The following CNTNAP2 variants were observed in gnomAD, a reference collection of about 807,000 sequenced individuals.
CNTNAP2 encodes contactin-associated protein-like 2.
In CNTNAP2, 98 loss-of-function variants were observed where a neutral mutation model predicts 155.2. That is an observed-to-expected ratio of 0.63 (90% CI 0.54 to 0.75). CNTNAP2 has a LOEUF of 0.75. Ranked by LOEUF, CNTNAP2 falls within the 30% of genes least tolerant of loss-of-function variation. CNTNAP2 has a pLI of 0.00. For synonymous variants in CNTNAP2, 651 were observed against 631.2 expected (o/e 1.03, Z -0.47); for missense variants, 1,727 against 1,688.1 (o/e 1.02, Z -0.40).
intron 15 of CNTNAP2, among the ~76,000 whole-genome samples, chr7:148,099,868 GTTTTTTTTTT>G (rs751537152): frequency 1.1e-5 from 1 of 88,812 alleles, no homozygotes; most frequent in East Asian, 4.0e-4. Flanking sequence ...TTTTTTTTTG[GTTTTTTTTTT>G]TTTTTTTTTT....
rs71175651 is a variant in CNTNAP2, at chr7:146,486,046, C to CT, written c.98-288189dup. ...AAAAATGTACCCAACCCACAGCAGT[C>CT]TTTTTTTTTTTTTTTTTTTTTTTTT... On this transcript the variant is annotated intron_variant, in intron 1 of 23. Coordinates refer to ENST00000361727, the MANE Select transcript of CNTNAP2 (RefSeq NM_014141.6). 1.5e-3 allele frequency among the ~76,000 whole-genome samples: 63 copies of CT among 42,604 alleles called. 20 individuals carry two copies. The highest frequency in any genetic ancestry group is 3.8e-3 in the African/African-American group (45 of 11,898). The allele number at this position is 42,604 out of a possible 152,430, so 27.9% of individuals were successfully genotyped here. A position where few individuals can be genotyped will look rare whatever the true frequency, so the allele number is the denominator to read the frequency against.
intron 14 of CNTNAP2, among the ~76,000 whole-genome samples, chr7:147,952,071 A>G (rs368083122): frequency 8.5e-5 from 13 of 152,074 alleles, no homozygotes; most frequent in East Asian, 1.9e-4. Flanking sequence ...ACTGAATGTT[A>G]ATGCCAAAAT....
chr7:146,591,148 T>C (rs1798776742), intron 1 of CNTNAP2, among the ~76,000 whole-genome samples: 1 of 152,168 alleles, frequency 6.6e-6, no homozygotes, highest in Admixed American at 6.5e-5. Context: ...TTACATAAAA[T>C]TACCTTCAGG....
intron 1 of CNTNAP2, among the ~76,000 whole-genome samples, chr7:146,743,363 T>C (rs1298315654): frequency 6.6e-6 from 1 of 152,192 alleles, no homozygotes; most frequent in Non-Finnish European, 1.5e-5. Context: ...GATGCCTTTT[T>C]TCCTGAGGTT....
intron 10 of CNTNAP2, among the ~76,000 whole-genome samples, chr7:147,406,099 G>C (rs759312257): frequency 8.5e-5 from 13 of 152,054 alleles, no homozygotes; most frequent in Non-Finnish European, 1.6e-4. Context: ...TTGAAGACTT[G>C]TATCATTCCC....
At chr7:146,220,366 T>C (rs2116896267) in intron 1 of CNTNAP2, among the ~76,000 whole-genome samples, 1 of 152,282 alleles carries the variant, frequency 6.6e-6, no homozygotes, top group East Asian at 1.9e-4. Flanking sequence ...ATCTTAAAAT[T>C]GTCTGTATTT....
At chr7:147,546,031 C>T (rs904986663) in intron 11 of CNTNAP2, among the ~76,000 whole-genome samples, 5 of 152,194 alleles carry the variant, frequency 3.3e-5, no homozygotes, top group Admixed American at 3.3e-4. Flanking sequence ...CCTCCCCAGC[C>T]ATGTGGAACA....
chr7:146,866,632 G>A (rs555302111), intron 3 of CNTNAP2, among the ~76,000 whole-genome samples: 2 of 152,144 alleles, frequency 1.3e-5, no homozygotes, highest in South Asian at 4.2e-4. Context: ...ACGGCAAGTG[G>A]GAGCTGAAAT....
intron 1 of CNTNAP2, among the ~76,000 whole-genome samples, chr7:146,207,729 T>G (rs1345879986): frequency 7.0e-6 from 1 of 143,000 alleles, no homozygotes; most frequent in Non-Finnish European, 1.5e-5. Flanking sequence ...AACGAAAGAG[T>G]GGAGGATGGA....
chr7:147,669,608 T>A (rs1795753582), intron 13 of CNTNAP2, among the ~76,000 whole-genome samples: 1 of 152,192 alleles, frequency 6.6e-6, no homozygotes, highest in African/African-American at 2.4e-5. Context: ...TAGTCGTTAC[T>A]GGTAGTGAAA....
chr7:146,138,677 T>C (rs1395478354), intron 1 of CNTNAP2, among the ~76,000 whole-genome samples: 1 of 152,136 alleles, frequency 6.6e-6, no homozygotes, highest in East Asian at 1.9e-4. Flanking sequence ...TTTGTGTGTG[T>C]ACATATGTGT....
At chr7:146,408,025 G>T (rs1795817150) in intron 1 of CNTNAP2, among the ~76,000 whole-genome samples, 1 of 152,078 alleles carries the variant, frequency 6.6e-6, no homozygotes, top group Non-Finnish European at 1.5e-5. Context: ...CAAGGCTTCT[G>T]ACCAACAGTA....
chr7:148,266,962 C>T, intron 20 of CNTNAP2, 71 bp from the exon 21 acceptor site: 3 of 1,386,888 alleles, frequency 2.2e-6, no homozygotes, highest in Non-Finnish European at 3.1e-6. Flanking sequence ...ATGTCATCCC[C>T]ACAGGGAAGA....
At chr7:146,345,320 G>A (rs1794802370) in intron 1 of CNTNAP2, among the ~76,000 whole-genome samples, 1 of 152,178 alleles carries the variant, frequency 6.6e-6, no homozygotes, top group Admixed American at 6.5e-5. Flanking sequence ...GAGTCGAGGT[G>A]AAAGGAAGAA....
At chr7:147,166,584 CCAAA>C (rs1297163147) in intron 8 of CNTNAP2, among the ~76,000 whole-genome samples, 1 of 152,154 alleles carries the variant, frequency 6.6e-6, no homozygotes, top group African/African-American at 2.4e-5. Flanking sequence ...GAAGAGACCA[CCAAA>C]CAGGCTTTGT....
At chr7:147,073,898 A>T (rs1037797889) in intron 4 of CNTNAP2, among the ~76,000 whole-genome samples, 2 of 152,106 alleles carry the variant, frequency 1.3e-5, no homozygotes, top group African/African-American at 4.8e-5. Flanking sequence ...GGGTTAGGAG[A>T]TTGAGTCAGA....
rs1354935325 is a variant in CNTNAP2 at position 146,948,379 on chromosome 7, T to C, written c.403-95528T>C. 3.4e-5 allele frequency among the ~76,000 whole-genome samples: 5 copies of C among 145,184 alleles called. No homozygotes were observed. The East Asian group carries it at 9.7e-4, about 28-fold the overall frequency. On this transcript the variant is annotated intron_variant, in intron 3 of 23. Transcript: ENST00000361727. ...GATAATTTTGTGGTAATTTTTGTTA[T>C]AATTTGTTCTCAATGTTAAAATAAT...
intron 3 of CNTNAP2, among the ~76,000 whole-genome samples, chr7:146,973,016 G>T (rs2129234119): frequency 6.6e-6 from 1 of 152,184 alleles, no homozygotes; most frequent in Middle Eastern, 3.4e-3. Flanking sequence ...AGTCACACTG[G>T]TTATGTTTCG....
At chr7:147,528,685 C>T (rs911051916) in intron 11 of CNTNAP2, among the ~76,000 whole-genome samples, 1 of 152,124 alleles carries the variant, frequency 6.6e-6, no homozygotes, top group African/African-American at 2.4e-5. Context: ...GTCAAGGGAG[C>T]TAGGTTGGCC....
Sources: gnomAD v4.1 joint callset for allele counts (sites outside exome capture counted in the v4.1 genomes callset) on GRCh38, gnomAD v4.1.1 for gene constraint, MANE v1.5 for transcripts, NCBI Gene and HGNC (gene_info 2026-07-23, HGNC 2026-07-21) for gene names.